The following ISLR2 variants were observed in gnomAD, a reference collection of about 807,000 sequenced individuals.
ISLR2 encodes the protein immunoglobulin superfamily containing leucine-rich repeat protein 2.
A neutral mutation model predicts 25.5 loss-of-function variants in ISLR2; 16 were observed. The observed-to-expected ratio is 0.63, with a 90% CI of 0.43 to 0.95. The LOEUF (loss-of-function observed/expected upper bound fraction) is 0.95, where lower values mean the gene tolerates loss of function less well. Among genes scored for constraint, ISLR2 ranks in the 40% least tolerant of loss-of-function variants. The probability of loss-of-function intolerance (pLI) is 0.00; values close to 1 mark genes in which losing one functional copy is unlikely to be tolerated. For synonymous variants in ISLR2, 508 were observed against 486.6 expected (o/e 1.04, Z -0.58); for missense variants, 883 against 1,030.7 (o/e 0.86, Z 1.96).
downstream of ISLR2, among the ~76,000 whole-genome samples, chr15:74,141,390 A>T (rs899665091): frequency 1.5e-4 from 23 of 152,336 alleles, no homozygotes; most frequent in African/African-American, 5.1e-4. Context: ...TGAGAGAAAA[A>T]TTTCTATGAT....
At chr15:74,122,736 C>G (rs1446649770) in intron 2 of ISLR2, among the ~76,000 whole-genome samples, 1 of 152,162 alleles carries the variant, frequency 6.6e-6, no homozygotes, top group Non-Finnish European at 1.5e-5. Flanking sequence ...AGGGAAAAGT[C>G]AGTTTTATTT....
At chr15:74,111,477 A>T in intron 2 of ISLR2, among the ~76,000 whole-genome samples, 1 of 150,910 alleles carries the variant, frequency 6.6e-6, no homozygotes, top group Non-Finnish European at 1.5e-5. Flanking sequence ...TTTAGTGTAG[A>T]CAGGGCTTGC....
chr15:74,137,086 G>GT (rs2072577693), downstream of ISLR2, among the ~76,000 whole-genome samples: 4 of 152,192 alleles, frequency 2.6e-5, no homozygotes, highest in African/African-American at 9.7e-5. Flanking sequence ...CCTGAACACA[G>GT]GGAGTCTGAG....
chr15:74,124,357 A>G (rs931985909), upstream of ISLR2, among the ~76,000 whole-genome samples: 3 of 152,036 alleles, frequency 2.0e-5, no homozygotes, highest in African/African-American at 7.2e-5. Context: ...TTCACCAGTG[A>G]CTGGTTCAGA....
chr15:74,112,842 T>TG (rs1382698034), intron 2 of ISLR2, among the ~76,000 whole-genome samples: 2 of 150,818 alleles, frequency 1.3e-5, no homozygotes, highest in Non-Finnish European at 3.0e-5. Flanking sequence ...TTTTTTTTTT[T>TG]TTTGAGACAA....
chr15:74,112,809 T>A (rs2072179441), intron 2 of ISLR2, among the ~76,000 whole-genome samples: 1 of 150,474 alleles, frequency 6.6e-6, no homozygotes, highest in African/African-American at 2.4e-5. Flanking sequence ...ATTACAGGTG[T>A]GAGTCACTGT....
chr15:74,106,882 G>C (rs548398585), intron 2 of ISLR2, among the ~76,000 whole-genome samples: 1 of 152,256 alleles, frequency 6.6e-6, no homozygotes, highest in South Asian at 2.1e-4. Context: ...CCACAGCAGA[G>C]AGCCGAGAAT....
upstream of ISLR2, chr15:74,128,787 T>C (rs2072340289): frequency 2.4e-6 from 1 of 423,974 alleles, no homozygotes; most frequent in African/African-American, 2.1e-5. Context: ...CAAATATCCT[T>C]CCCAGGCACA....
At chr15:74,120,052 T>G (rs959688585) in intron 2 of ISLR2, among the ~76,000 whole-genome samples, 5 of 152,268 alleles carry the variant, frequency 3.3e-5, no homozygotes, top group Middle Eastern at 3.4e-3. Context: ...CCATTTAGAT[T>G]GACATATTCA....
chr15:74,133,380 T>C lies in ISLR2; in HGVS notation c.626T>C (p.Ile209Thr). ...TRVSLPEPDS[I>T]ACASPPALQG... ...GTGTCCTTACCCGAGCCCGACTCCA[T>C]TGCTTGTGCCTCGCCTCCCGCGCTG... The change falls in exon 3 of 3, where the codon ATT (isoleucine) becomes ACT (threonine). Residue 209 changes from isoleucine (I) to threonine (T), a missense_variant. By Grantham distance (89) the Ile-to-Thr change is moderately conservative. This residue lies in a region of ISLR2 where 271 missense variants were observed against 387.9 expected (regional missense o/e 0.70). Coordinates refer to ENST00000453268, the MANE Select transcript of ISLR2 (RefSeq NM_020851.3). 1.9e-6 allele frequency: 3 copies of C among 1,607,866 alleles called. No individual in the cohort carries two copies. The highest frequency in any genetic ancestry group is 1.7e-6 in the Non-Finnish European group (2 of 1,179,814).
chr15:74,141,326 T>C (rs2072609707), downstream of ISLR2, among the ~76,000 whole-genome samples: 1 of 152,224 alleles, frequency 6.6e-6, no homozygotes, highest in Non-Finnish European at 1.5e-5. Flanking sequence ...CCAGCAACAT[T>C]CTCAAACTGT....
downstream of ISLR2, among the ~76,000 whole-genome samples, chr15:74,141,049 T>C (rs2072608433): frequency 6.6e-6 from 1 of 152,320 alleles, no homozygotes; most frequent in East Asian, 1.9e-4. Flanking sequence ...AACCAACTTG[T>C]TGGGTTAAAT....
upstream of ISLR2, chr15:74,127,573 G>A (rs2072315172): frequency 6.6e-6 from 1 of 152,374 alleles, no homozygotes; most frequent in Non-Finnish European, 1.5e-5. Context: ...CGCCCCACTG[G>A]CGTATCGCGC....
chr15:74,138,747 C>T (rs1002991421), downstream of ISLR2, among the ~76,000 whole-genome samples: 2 of 152,230 alleles, frequency 1.3e-5, no homozygotes, highest in Admixed American at 6.5e-5. Flanking sequence ...CTGGTCACAG[C>T]CCAACACTGC....
chr15:74,140,505 A>T (rs1408758326), downstream of ISLR2, among the ~76,000 whole-genome samples: 1 of 152,194 alleles, frequency 6.6e-6, no homozygotes, highest in East Asian at 1.9e-4. Context: ...GCACAACAGG[A>T]GGTGTCGCCT....
chr15:74,133,641 G>C lies in ISLR2; in HGVS notation c.887G>C (p.Gly296Ala). The change falls in exon 3 of 3, where the codon GGG becomes GCG. Residue 296 changes from glycine (G) to alanine (A), a missense_variant. Gly to Ala is a moderately conservative substitution (Grantham distance 60, BLOSUM62 0). Around this residue, in one of 2 missense-constraint regions of ISLR2, gnomAD observed 612 missense variants for 642.8 expected, o/e 0.95. Transcript: ENST00000453268. The part of the protein sequence containing the change: ...PVLSGEDDGV[G>A]AEEGEGEGDG... ...CTGAGCGGGGAGGACGACGGGGTTG[G>C]GGCGGAGGAAGGAGAGGGAGAAGGA... The C allele has an allele frequency of 6.2e-7, 1 of 1,613,210 alleles. No homozygotes were observed. The highest frequency in any genetic ancestry group is 8.5e-7 in the Non-Finnish European group (1 of 1,179,694).
intron 2 of ISLR2, among the ~76,000 whole-genome samples, chr15:74,108,165 T>A (rs1049472858): frequency 3.3e-5 from 5 of 152,106 alleles, no homozygotes; most frequent in African/African-American, 9.7e-5. Flanking sequence ...CCCAGGACGC[T>A]AGAGTTAACT....
chr15:74,138,930 CCA>C (rs1160024789), downstream of ISLR2, among the ~76,000 whole-genome samples: 3 of 152,088 alleles, frequency 2.0e-5, no homozygotes, highest in African/African-American at 7.2e-5. Flanking sequence ...CCTGGCTGGG[CCA>C]GTGAGTGCTC....
In ISLR2 at chr15:74,111,430, C is replaced by T. The variant is rs575544825; in HGVS notation, n.228+7516C>T. Among the ~76,000 whole-genome samples, 14 of 151,990 alleles carry T rather than the reference C, an allele frequency of 9.2e-5. No homozygotes were observed. In the South Asian group the frequency reaches 2.7e-3, roughly 29 times the overall value. On this transcript the variant is annotated intron_variant and non_coding_transcript_variant, in intron 2 of 3. Transcript: ENST00000561975. Reference sequence around the variant, plus strand: ...TCAGCCTCCCGAGTAGCTGGGAGTACAGGCGTGCACCATCATGCCTGGCTA... The same window carrying T: ...TCAGCCTCCCGAGTAGCTGGGAGTATAGGCGTGCACCATCATGCCTGGCTA...
Sources: allele counts gnomAD v4.1 joint callset (sites outside exome capture counted in the v4.1 genomes callset), GRCh38; gene constraint gnomAD v4.1.1; regional missense constraint gnomAD v4.1.1; transcripts MANE v1.5; gene names NCBI Gene and HGNC (gene_info 2026-07-23, HGNC 2026-07-21).